The following OSBPL11 variants were observed in gnomAD, a reference collection of about 807,000 sequenced individuals.
OSBPL11 encodes oxysterol binding protein like 11.
OSBPL11 carries 33 observed loss-of-function variants against 84.4 expected under a neutral mutation model. The ratio of observed to expected loss-of-function variants is 0.39; its 90% CI spans 0.30 to 0.52. OSBPL11 has a LOEUF of 0.52. Ranked by LOEUF, OSBPL11 falls within the 20% of genes least tolerant of loss-of-function variation. OSBPL11 has a pLI of 0.72. For synonymous variants in OSBPL11, 276 were observed against 310.2 expected, an observed-to-expected ratio of 0.89 and a Z score of 1.16; for missense variants, 736 against 901.1, an observed-to-expected ratio of 0.82 and a Z score of 2.35.
chr3:125,560,559 C>A (rs369751983), intron 7 of OSBPL11, 40 bp from the exon 8 acceptor site: 2 of 1,483,680 alleles, frequency 1.3e-6, no homozygotes, highest in South Asian at 1.4e-5. Flanking sequence ...ATTTTAACTA[C>A]CTATTCATAT....
intron 10 of OSBPL11, among the ~76,000 whole-genome samples, chr3:125,540,373 T>C (rs1256610048): frequency 6.9e-6 from 1 of 145,836 alleles, no homozygotes; most frequent in Non-Finnish European, 1.5e-5. Flanking sequence ...AGTTGTATAG[T>C]TGTAGCTCAC....
At chr3:125,582,788 A>G in intron 2 of OSBPL11, 122 bp downstream of exon 2, 1 of 751,402 alleles carries the variant, frequency 1.3e-6, no homozygotes, top group Non-Finnish European at 2.2e-6. Context: ...AAGCTGTGGG[A>G]AATCCTTCTC....
At chr3:125,594,538 G>A in intron 1 of OSBPL11, 99 bp downstream of exon 1, 4 of 1,418,462 alleles carry the variant, frequency 2.8e-6, no homozygotes, top group South Asian at 2.7e-5. Context: ...GGAAGCCAGT[G>A]AAAAAACTTT....
intron 6 of OSBPL11, among the ~76,000 whole-genome samples, chr3:125,565,604 A>G (rs1206320014): frequency 6.6e-6 from 1 of 152,242 alleles, no homozygotes; most frequent in African/African-American, 2.4e-5. Context: ...GGAGTATACT[A>G]ATATATCAAC....
At chr3:125,566,555 C>A (rs1463481084) in intron 6 of OSBPL11, among the ~76,000 whole-genome samples, 1 of 152,008 alleles carries the variant, frequency 6.6e-6, no homozygotes, top group Admixed American at 6.6e-5. Context: ...TTCTAAAATA[C>A]CTTTCTTTTA....
At chr3:125,536,551 T>C (rs1406746413) in intron 11 of OSBPL11, among the ~76,000 whole-genome samples, 1 of 152,244 alleles carries the variant, frequency 6.6e-6, no homozygotes, top group African/African-American at 2.4e-5. Context: ...TACAATTTTC[T>C]AAAATTCTAA....
chr3:125,573,465 T>G, intron 5 of OSBPL11, among the ~76,000 whole-genome samples: 1 of 152,286 alleles, frequency 6.6e-6, no homozygotes, highest in East Asian at 1.9e-4. Context: ...AACTGATAAG[T>G]AGTACTAATA....
In OSBPL11 at chr3:125,556,929, G is replaced by T. The variant is rs184034893; in HGVS notation, c.1155+3450C>A. Among the ~76,000 whole-genome samples the T allele has an allele frequency of 1.5e-4, 23 of 152,214 alleles. No homozygotes were observed. The East Asian group carries it at 2.5e-3, about 17-fold the overall frequency. On this transcript the variant is annotated intron_variant, in intron 8 of 12. Coordinates refer to ENST00000296220, the MANE Select transcript of OSBPL11 (RefSeq NM_022776.5). ...CTTAATGTCAGAGGTAGATACATGG[G>T]TATTCATTTTATCTTTTTTCTTTGA...
intron 2 of OSBPL11, 55 bp from the exon 3 acceptor site, chr3:125,580,095 A>G (rs1414155648): frequency 6.8e-7 from 1 of 1,477,282 alleles, no homozygotes; most frequent in Non-Finnish European, 9.3e-7. Context: ...CAGCAAACTA[A>G]AGCAAAGCAA....
At chr3:125,560,770 G>A (rs1319571675) in intron 7 of OSBPL11, among the ~76,000 whole-genome samples, 1 of 151,874 alleles carries the variant, frequency 6.6e-6, no homozygotes. Context: ...TTTCTTTTTT[G>A]GGGGGAAAAT....
Position 125,552,242 on chromosome 3 carries a change from C to T in OSBPL11, c.1593G>A (p.Ala531=), listed in dbSNP as rs769477065. 18 of 1,613,658 alleles carry T rather than the reference C, an allele frequency of 1.1e-5. No individual in the cohort carries two copies. The highest frequency in any genetic ancestry group is 1.6e-4 in the Middle Eastern group (1 of 6,084). Residue 531 remains alanine, a synonymous_variant, in exon 9 of 13, where the codon GCG becomes GCA. Transcript: ENST00000296220. ...ECTERKMCVN[A]HVWTKSKFLG... is the part of the protein sequence containing the mutation. ...AGAACTTGCTCTTAGTCCAGACATG[C>T]GCATTTACACACATCTTCCTCTCTG... is the stretch of plus-strand genomic sequence containing the variant.
In OSBPL11 at chr3:125,531,817, A is replaced by G. The variant is rs1304451981; in HGVS notation, c.2178+44T>C. 12 of 1,551,122 alleles carry G rather than the reference A, an allele frequency of 7.7e-6. No homozygotes were observed. The Admixed American group carries it at 8.3e-5, about 11-fold the overall frequency. ...CAAAGCCTAGTAAGCTAAAGTTCTC[A>G]GCCAAGTAGATACATTTTTATCTTG... On this transcript the variant is annotated intron_variant, in intron 12 of 12. Transcript: ENST00000296220.
chr3:125,569,944 G>A (rs1237222070), intron 5 of OSBPL11, among the ~76,000 whole-genome samples: 1 of 152,156 alleles, frequency 6.6e-6, no homozygotes, highest in Non-Finnish European at 1.5e-5. Flanking sequence ...TAGGGTGCTC[G>A]TAACATTTAA....
chr3:125,574,480 G>GA (rs1936290045), intron 5 of OSBPL11, among the ~76,000 whole-genome samples: 1 of 135,364 alleles, frequency 7.4e-6, no homozygotes, highest in Non-Finnish European at 1.6e-5. Flanking sequence ...CTGATTAGCA[G>GA]TTTTTTTTTT....
chr3:125,534,150 G>A (rs922250750), intron 11 of OSBPL11, among the ~76,000 whole-genome samples: 1 of 152,156 alleles, frequency 6.6e-6, no homozygotes, highest in Non-Finnish European at 1.5e-5. Flanking sequence ...GGAGGCCGAC[G>A]TGAGTGGATC....
chr3:125,591,687 TG>T (rs750011231), intron 1 of OSBPL11, among the ~76,000 whole-genome samples: 2 of 152,198 alleles, frequency 1.3e-5, no homozygotes, highest in African/African-American at 2.4e-5. Context: ...AAAGACACTA[TG>T]AAATAATAAA....
At chr3:125,555,615 C>A (rs1469375081) in intron 8 of OSBPL11, among the ~76,000 whole-genome samples, 1 of 151,890 alleles carries the variant, frequency 6.6e-6, no homozygotes, top group Non-Finnish European at 1.5e-5. Flanking sequence ...ACATACAAAA[C>A]AAGTCACAAA....
chr3:125,533,327 C>A (rs532421949), intron 11 of OSBPL11, among the ~76,000 whole-genome samples: 2 of 151,980 alleles, frequency 1.3e-5, no homozygotes, highest in South Asian at 2.1e-4. Context: ...CGGACTCAAG[C>A]AATTCTCCTG....
chr3:125,549,746 CA>C (rs1301983026), intron 9 of OSBPL11, among the ~76,000 whole-genome samples: 1 of 152,076 alleles, frequency 6.6e-6, no homozygotes, highest in Non-Finnish European at 1.5e-5. Context: ...CTCGGCCCAC[CA>C]AAGTGTTGAG....
Sources: gnomAD v4.1 joint callset for allele counts (sites outside exome capture counted in the v4.1 genomes callset) on GRCh38, gnomAD v4.1.1 for gene constraint, MANE v1.5 for transcripts, NCBI Gene and HGNC (gene_info 2026-07-23, HGNC 2026-07-21) for gene names.